The following SCAMP4 variants were observed in gnomAD, a reference collection of about 807,000 sequenced individuals.
SCAMP4 encodes secretory carrier membrane protein 4, also known as secretory carrier-associated membrane protein 4.
A neutral mutation model predicts 32.1 loss-of-function variants in SCAMP4; 19 were observed. That is an observed-to-expected ratio of 0.59 (90% CI 0.41 to 0.87). The LOEUF (loss-of-function observed/expected upper bound fraction) is 0.87, where lower values mean the gene tolerates loss of function less well. Among genes scored for constraint, SCAMP4 ranks in the 40% least tolerant of loss-of-function variants. The pLI is 0.00. For synonymous variants in SCAMP4, 152 were observed against 132.7 expected, an observed-to-expected ratio of 1.15 and a Z score of -1.00; for missense variants, 302 against 309.0, an observed-to-expected ratio of 0.98 and a Z score of 0.17.
At chr19:1,919,104 T>G (rs896156546) in intron 5 of SCAMP4, 114 bp downstream of exon 5, 12 of 1,526,170 alleles carry the variant, frequency 7.9e-6, no homozygotes, top group Admixed American at 6.2e-5. Flanking sequence ...TTGTACGCGC[T>G]CTCCTAGGGA....
chr19:1,915,318 C>T, intron 2 of SCAMP4: 1 of 525,550 alleles, frequency 1.9e-6, no homozygotes, highest in Non-Finnish European at 3.4e-6. Context: ...CGGGCGTGTT[C>T]TCATGTGCCC....
chr19:1,912,664 G>C, intron 1 of SCAMP4: 1 of 1,435,238 alleles, frequency 7.0e-7, no homozygotes, highest in Non-Finnish European at 9.0e-7. Flanking sequence ...GCAGCAGCGC[G>C]GGGCTTGCGG....
chr19:1,913,621 C>T (rs1599244610), intron 1 of SCAMP4, among the ~76,000 whole-genome samples: 1 of 152,202 alleles, frequency 6.6e-6, no homozygotes, highest in African/African-American at 2.4e-5. Flanking sequence ...TTTCCCGCTT[C>T]TGGAGTCCTG....
Position 1,912,347 on chromosome 19 carries a change from C to T in SCAMP4, c.-41-2632C>T, listed in dbSNP as rs753255054. ...AGCGGGTGCGGCCCAGCCGCGATGC[C>T]GGCAGCCCCCACGCCCTGGAGATGC... On this transcript the variant is annotated intron_variant, in intron 1 of 6. Coordinates refer to ENST00000316097, the MANE Select transcript of SCAMP4 (RefSeq NM_079834.4). 6.5e-6 allele frequency: 10 copies of T among 1,532,070 alleles called. No individual in the cohort carries two copies. The Admixed American group carries it at 1.2e-4, about 18-fold the overall frequency. The allele number at this position is 1,532,070 out of a possible 1,614,324, so 94.9% of individuals were successfully genotyped here. A position where few individuals can be genotyped will look rare whatever the true frequency, so the allele number is the denominator to read the frequency against.
chr19:1,912,692 A>AGTGGACCCGGCC, intron 1 of SCAMP4: 1 of 1,474,418 alleles, frequency 6.8e-7, no homozygotes, highest in South Asian at 1.3e-5. Context: ...GGGCCGTGGT[A>AGTGGACCCGGCC]GTGGACCCGG....
In SCAMP4 at chr19:1,921,592, G is replaced by T. The variant is rs970238514; in HGVS notation, c.396-1478G>T. ...CGGGGGCGTGCGATGCTGGCCAGTG[G>T]GAAGCTGCGGGGGCGGCGGCAGGAG... On this transcript the variant is annotated intron_variant, in intron 5 of 6. Coordinates refer to ENST00000316097, the MANE Select transcript of SCAMP4 (RefSeq NM_079834.4). The T allele has an allele frequency of 5.1e-6, 5 of 985,350 alleles. No individual in the cohort carries two copies. In the African/African-American group the frequency reaches 8.7e-5, roughly 17 times the overall value. The allele number at this position is 985,350 out of a possible 1,614,324, so 61.0% of individuals were successfully genotyped here.
At chr19:1,923,440 G>C (rs2013983645) in intron 6 of SCAMP4, among the ~76,000 whole-genome samples, 1 of 152,176 alleles carries the variant, frequency 6.6e-6, no homozygotes, top group South Asian at 2.1e-4. Context: ...CCAGACTCCA[G>C]AGGGAAGCAG....
intron 5 of SCAMP4, chr19:1,922,485 T>C: frequency 1.1e-6 from 1 of 946,044 alleles, no homozygotes; most frequent in Non-Finnish European, 1.3e-6. Context: ...TCCGCCCGCC[T>C]CGGCCTCCCA....
chr19:1,912,592 C>A, intron 1 of SCAMP4: 1 of 1,493,350 alleles, frequency 6.7e-7, no homozygotes, highest in Non-Finnish European at 8.9e-7. Flanking sequence ...CGGCTCTTCT[C>A]CACGCAGGAG....
chr19:1,923,658 A>C (rs553417928), intron 6 of SCAMP4, among the ~76,000 whole-genome samples: 1 of 115,386 alleles, frequency 8.7e-6, no homozygotes, highest in Non-Finnish European at 1.6e-5. Context: ...TCGCTCTGTC[A>C]CCCAGGCTGG....
chr19:1,917,505 C>G (rs1408100778), intron 2 of SCAMP4, among the ~76,000 whole-genome samples, 189 bp from the exon 3 acceptor site: 2 of 152,158 alleles, frequency 1.3e-5, no homozygotes, highest in Non-Finnish European at 2.9e-5. Flanking sequence ...CTCTCTGACT[C>G]CCACCCTCCC....
At chr19:1,920,413 G>A (rs1251385660) in intron 5 of SCAMP4, 2 of 698,394 alleles carry the variant, frequency 2.9e-6, no homozygotes, top group East Asian at 2.7e-4. Flanking sequence ...TCCCTTCAGG[G>A]CCCCTCGATC....
chr19:1,923,142 C>T lies in SCAMP4; in HGVS notation c.468C>T (p.Ile156=). The change falls in exon 6 of 7, where the codon ATC becomes ATT. Residue 156 remains isoleucine, a synonymous_variant. Transcript: ENST00000316097. ...CCGTGGTCATGCTGCTTCCAGCCAT[C>T]ATGTTCTCCGTGTCGGCTGCCATGA... The part of the protein sequence containing the change: ...GAAVVMLLPA[I]MFSVSAAMMA... 1 of 1,553,084 alleles carries T rather than the reference C, an allele frequency of 6.4e-7. No individual in the cohort carries two copies. Among genetic ancestry groups the T allele is most frequent in the East Asian group, 2.4e-5 (1 of 41,118 alleles).
chr19:1,922,799 G>A lies in SCAMP4; in HGVS notation c.396-271G>A, dbSNP rs187926574. On this transcript the variant is annotated intron_variant, in intron 5 of 6. Transcript: ENST00000316097. ...CACAGCCCACTGCTGCGATGGTGAA[G>A]GGATAAGGTTGTGTTCACGCGTCGA... 3,497 of 1,127,128 alleles carry A rather than the reference G, an allele frequency of 3.1e-3. 9 individuals carry two copies. Among genetic ancestry groups the A allele is most frequent in the Non-Finnish European group, 3.6e-3 (3,273 of 919,620 alleles). The allele number at this position is 1,127,128 out of a possible 1,614,324, so 69.8% of individuals were successfully genotyped here.
chr19:1,912,584 G>C (rs1337044430), intron 1 of SCAMP4: 1 of 1,495,364 alleles, frequency 6.7e-7, no homozygotes, highest in Admixed American at 2.2e-5. Context: ...TGGCTGGGCG[G>C]CTCTTCTCCA....
chr19:1,923,209 G>A lies in SCAMP4; in HGVS notation c.513+22G>A, dbSNP rs375658685. 6.3e-4 allele frequency: 970 copies of A among 1,533,214 alleles called. 1 individual carries two copies. The highest frequency in any genetic ancestry group is 8.0e-4 in the Non-Finnish European group (907 of 1,134,294). The allele number at this position is 1,533,214 out of a possible 1,614,324, so 95.0% of individuals were successfully genotyped here. On this transcript the variant is annotated intron_variant, in intron 6 of 6. Coordinates refer to ENST00000316097, the MANE Select transcript of SCAMP4 (RefSeq NM_079834.4). Reference sequence around the variant, plus strand: ...GAAGGTGAGTCCTCGGCTTTGTGACGTCCAGCCCTTACCCCTTCTCCATGA... The same window carrying A: ...GAAGGTGAGTCCTCGGCTTTGTGACATCCAGCCCTTACCCCTTCTCCATGA...
chr19:1,915,117 C>A, intron 2 of SCAMP4, 91 bp downstream of exon 2: 1 of 1,508,846 alleles, frequency 6.6e-7, no homozygotes, highest in Non-Finnish European at 9.2e-7. Context: ...TGGCCGTTGG[C>A]AAACAGTGTC....
chr19:1,922,875 A>T, intron 5 of SCAMP4, 195 bp from the exon 6 acceptor site: 1 of 1,316,140 alleles, frequency 7.6e-7, no homozygotes, highest in Non-Finnish European at 9.7e-7. Context: ...TGGAGGGATA[A>T]GGTCGTATTC....
At chr19:1,922,415 A>G in intron 5 of SCAMP4, 2 of 690,010 alleles carry the variant, frequency 2.9e-6, no homozygotes, top group Non-Finnish European at 1.8e-6. Context: ...TTGTATTTTT[A>G]GTAGAGACGG....
Sources: gnomAD v4.1 joint callset for allele counts (sites outside exome capture counted in the v4.1 genomes callset) on GRCh38, gnomAD v4.1.1 for gene constraint, MANE v1.5 for transcripts, NCBI Gene and HGNC (gene_info 2026-07-23, HGNC 2026-07-21) for gene names.